The following ZSWIM5 variants were observed in gnomAD, a reference collection of about 807,000 sequenced individuals.
ZSWIM5 encodes the protein zinc finger SWIM domain-containing protein 5.
ZSWIM5 carries 55 observed loss-of-function variants against 119.6 expected under a neutral mutation model. The ratio of observed to expected loss-of-function variants is 0.46; its 90% CI spans 0.37 to 0.58. The LOEUF is 0.58. Among genes scored for constraint, ZSWIM5 ranks in the 20% least tolerant of loss-of-function variants. The probability of loss-of-function intolerance (pLI) is 0.00; values close to 1 mark genes in which losing one functional copy is unlikely to be tolerated. For synonymous variants in ZSWIM5, 537 were observed against 606.9 expected, an observed-to-expected ratio of 0.88 and a Z score of 1.69; for missense variants, 1,193 against 1,512.8, an observed-to-expected ratio of 0.79 and a Z score of 3.51.
intron 1 of ZSWIM5, among the ~76,000 whole-genome samples, chr1:45,117,869 T>C (rs1645568198): frequency 6.6e-6 from 1 of 152,178 alleles, no homozygotes; most frequent in African/African-American, 2.4e-5. Flanking sequence ...TATCAGTTTG[T>C]ATGAAAAAGC....
intron 2 of ZSWIM5, among the ~76,000 whole-genome samples, chr1:45,083,157 C>T (rs1247110279): frequency 1.3e-5 from 2 of 152,148 alleles, no homozygotes; most frequent in Non-Finnish European, 2.9e-5. Context: ...ATAGAGAGAG[C>T]TCAGTTATTA....
intron 1 of ZSWIM5, among the ~76,000 whole-genome samples, chr1:45,116,438 TCTC>T (rs1365776029): frequency 6.6e-6 from 1 of 152,294 alleles, no homozygotes; most frequent in East Asian, 1.9e-4. Context: ...CATTCTCTTT[TCTC>T]CTCCTTACTA....
At chr1:45,070,195 C>G in intron 2 of ZSWIM5, 1 of 1,404,726 alleles carries the variant, frequency 7.1e-7, no homozygotes, top group Non-Finnish European at 1.0e-6. Context: ...TGTCCATTTA[C>G]TTTGTAGGCC....
intron 1 of ZSWIM5, among the ~76,000 whole-genome samples, chr1:45,202,034 GA>G (rs926407869): frequency 1.9e-4 from 27 of 145,378 alleles, no homozygotes; most frequent in Non-Finnish European, 2.7e-4. Context: ...TCATTGATCA[GA>G]AAAAAAAAAG....
At position 45,070,408 on chromosome 1, in the gene ZSWIM5, G is replaced by A. The variant is rs1476622086; in HGVS notation, c.953-10161C>T. 21 of 1,406,574 alleles carry A rather than the reference G, an allele frequency of 1.5e-5. No individual in the cohort carries two copies. In the East Asian group the frequency reaches 4.1e-4, roughly 28 times the overall value. The allele number at this position is 1,406,574 out of a possible 1,614,324, so 87.1% of individuals were successfully genotyped here. On this transcript the variant is annotated intron_variant, in intron 2 of 13. Transcript: ENST00000359600. ...TTAGGACATTCGAGCACAAAGAACG[G>A]GACATGGTACAAAGTCTCCATGTTG...
chr1:45,146,124 C>T (rs1287532883), intron 1 of ZSWIM5, among the ~76,000 whole-genome samples: 1 of 152,018 alleles, frequency 6.6e-6, no homozygotes, highest in Non-Finnish European at 1.5e-5. Flanking sequence ...TTGGAGTTAA[C>T]AAGTATAGAT....
At chr1:45,040,717 T>TA (rs1373429703) in intron 6 of ZSWIM5, among the ~76,000 whole-genome samples, 179 bp from the exon 7 acceptor site, 2 of 152,224 alleles carry the variant, frequency 1.3e-5, no homozygotes, top group African/African-American at 4.8e-5. Flanking sequence ...TCACAGGTGA[T>TA]ATCTTGAAAG....
chr1:45,055,981 TAA>T (rs887914614), intron 4 of ZSWIM5, among the ~76,000 whole-genome samples: 2 of 151,698 alleles, frequency 1.3e-5, no homozygotes, highest in African/African-American at 4.8e-5. Context: ...GAAGGAAAAA[TAA>T]AAGAGTATGG....
chr1:45,125,553 A>AT (rs991478807), intron 1 of ZSWIM5, among the ~76,000 whole-genome samples: 1 of 151,848 alleles, frequency 6.6e-6, no homozygotes, highest in Admixed American at 6.6e-5. Context: ...CGCAGGGGGA[A>AT]TCACGAGGTC....
intron 1 of ZSWIM5, among the ~76,000 whole-genome samples, chr1:45,166,306 T>C (rs868003026): frequency 9.9e-5 from 15 of 152,098 alleles, no homozygotes; most frequent in African/African-American, 3.6e-4. Flanking sequence ...TAGGTATTGA[T>C]GGGATGTATC....
At chr1:45,124,423 GA>G (rs1645609024) in intron 1 of ZSWIM5, among the ~76,000 whole-genome samples, 1 of 152,024 alleles carries the variant, frequency 6.6e-6, no homozygotes, top group African/African-American at 2.4e-5. Context: ...TATGTATACA[GA>G]ACATAAAACC....
chr1:45,022,448 T>TA (rs1557738607), intron 11 of ZSWIM5, among the ~76,000 whole-genome samples: 1 of 152,104 alleles, frequency 6.6e-6, no homozygotes. Context: ...TCTATTTTTA[T>TA]AAAAAAAGAT....
chr1:45,087,611 C>T (rs1365923031), intron 2 of ZSWIM5, among the ~76,000 whole-genome samples: 5 of 152,158 alleles, frequency 3.3e-5, no homozygotes, highest in African/African-American at 9.7e-5. Flanking sequence ...CGACAAAGTC[C>T]ATAAACTAGA....
At chr1:45,046,493 G>T (rs1645055181) in intron 5 of ZSWIM5, among the ~76,000 whole-genome samples, 1 of 152,154 alleles carries the variant, frequency 6.6e-6, no homozygotes, top group African/African-American at 2.4e-5. Flanking sequence ...ATGGAGACAG[G>T]AAGACTGCAA....
chr1:45,105,140 C>T (rs960610466), intron 1 of ZSWIM5, among the ~76,000 whole-genome samples: 9 of 152,122 alleles, frequency 5.9e-5, no homozygotes, highest in South Asian at 4.1e-4. Flanking sequence ...TTGGTGGAGA[C>T]GGGGTTTCAC....
intron 1 of ZSWIM5, among the ~76,000 whole-genome samples, chr1:45,135,001 G>A (rs1231010587): frequency 6.6e-6 from 1 of 152,106 alleles, no homozygotes; most frequent in Non-Finnish European, 1.5e-5. Context: ...CATTTGGGTT[G>A]TGTCCACCTC....
chr1:45,039,417 G>A (rs994031057), intron 7 of ZSWIM5, among the ~76,000 whole-genome samples: 9 of 152,226 alleles, frequency 5.9e-5, no homozygotes, highest in African/African-American at 1.9e-4. Flanking sequence ...ACAGAGTCTC[G>A]CTCTATCGCC....
At chr1:45,179,523 G>A (rs768449097) in intron 1 of ZSWIM5, among the ~76,000 whole-genome samples, 3 of 152,036 alleles carry the variant, frequency 2.0e-5, no homozygotes, top group Non-Finnish European at 2.9e-5. Flanking sequence ...AGATTCATTC[G>A]TACGTACTCC....
chr1:45,193,475 A>G (rs950742070), intron 1 of ZSWIM5, among the ~76,000 whole-genome samples: 3 of 152,208 alleles, frequency 2.0e-5, no homozygotes, highest in Non-Finnish European at 4.4e-5. Context: ...GTGAAGTAAA[A>G]CAAAAATCTA....
Sources: gnomAD v4.1 joint callset for allele counts (sites outside exome capture counted in the v4.1 genomes callset) on GRCh38, gnomAD v4.1.1 for gene constraint, MANE v1.5 for transcripts, NCBI Gene and HGNC (gene_info 2026-07-23, HGNC 2026-07-21) for gene names.